Variants in KLHL1 observed in about 807,000 individuals in gnomAD.
The protein encoded by KLHL1 is kelch-like protein 1.
A neutral mutation model predicts 77.7 loss-of-function variants in KLHL1; 47 were observed. That is an observed-to-expected ratio of 0.60 (90% CI 0.48 to 0.77). KLHL1 has a LOEUF of 0.77. KLHL1 is among the 30% of genes least tolerant of loss of function. KLHL1 has a pLI of 0.00. For synonymous variants in KLHL1, 360 were observed against 325.2 expected (o/e 1.11, Z -1.15); for missense variants, 925 against 910.8 (o/e 1.02, Z -0.20).
chr13:69,990,365 C>A (rs1190884734), intron 1 of KLHL1, among the ~76,000 whole-genome samples: 14 of 151,918 alleles, frequency 9.2e-5, no homozygotes. Flanking sequence ...AATTAAAAGG[C>A]AAAGAGTGGC....
intron 4 of KLHL1, among the ~76,000 whole-genome samples, chr13:69,905,807 A>C (rs1882028648): frequency 6.6e-6 from 1 of 152,084 alleles, no homozygotes; most frequent in South Asian, 2.1e-4. Flanking sequence ...GAATCTACAA[A>C]AGTTTATGCT....
In KLHL1 at chr13:69,818,565, T is replaced by G. The variant is rs549875097; in HGVS notation, c.1414+20411A>C. Among the ~76,000 whole-genome samples, 6 of 152,288 alleles carry G rather than the reference T, an allele frequency of 3.9e-5. No homozygotes were observed. In the East Asian group the frequency reaches 1.2e-3, roughly 29 times the overall value. ...AAGATGGATGCAAATGCAGATATCC[T>G]GTCTTAACTTAGTTCTTCCCTTGGG... On this transcript the variant is annotated intron_variant, in intron 6 of 10. Coordinates refer to ENST00000377844, the MANE Select transcript of KLHL1 (RefSeq NM_020866.3).
intron 7 of KLHL1, among the ~76,000 whole-genome samples, chr13:69,795,360 TATTA>T (rs1877057601): frequency 6.6e-6 from 1 of 152,320 alleles, no homozygotes; most frequent in African/African-American, 2.4e-5. Flanking sequence ...ATTGAACAAG[TATTA>T]ATTTTGCTTA....
intron 5 of KLHL1, among the ~76,000 whole-genome samples, chr13:69,864,602 G>T (rs1294437732): frequency 6.6e-6 from 1 of 151,830 alleles, no homozygotes. Flanking sequence ...TATAGTTACT[G>T]GTTCAAAAAA....
At chr13:69,821,091 T>A (rs79110374) in intron 6 of KLHL1, among the ~76,000 whole-genome samples, 2,284 of 152,204 alleles carry the variant, frequency 0.015, 59 homozygotes, top group African/African-American at 0.051. Flanking sequence ...ATTTGAATTT[T>A]AAAAAAATAA....
intron 1 of KLHL1, among the ~76,000 whole-genome samples, chr13:70,069,153 C>A (rs998588602): frequency 6.6e-6 from 1 of 152,116 alleles, no homozygotes; most frequent in Non-Finnish European, 1.5e-5. Flanking sequence ...AGTCATAAGG[C>A]TCTAGAAAGC....
At chr13:69,821,354 G>A (rs759522718) in intron 6 of KLHL1, among the ~76,000 whole-genome samples, 6 of 151,100 alleles carry the variant, frequency 4.0e-5, no homozygotes, top group Non-Finnish European at 7.4e-5. Flanking sequence ...TCACTCTGTC[G>A]CCCAGGCTGG....
chr13:69,713,446 A>T (rs7339358), intron 9 of KLHL1, among the ~76,000 whole-genome samples: 1 of 151,874 alleles, frequency 6.6e-6, no homozygotes, highest in Admixed American at 6.6e-5. Flanking sequence ...AACAACATTA[A>T]TTTATTTTTC....
At chr13:69,705,649 T>C (rs1045225139) in intron 10 of KLHL1, among the ~76,000 whole-genome samples, 2 of 151,626 alleles carry the variant, frequency 1.3e-5, no homozygotes, top group African/African-American at 4.8e-5. Context: ...ATATAAATAA[T>C]GAGAAGATAC....
At chr13:70,081,305 G>A (rs983639945) in intron 1 of KLHL1, among the ~76,000 whole-genome samples, 5 of 152,104 alleles carry the variant, frequency 3.3e-5, no homozygotes, top group Non-Finnish European at 7.4e-5. Context: ...ATTATATCTC[G>A]GGTTTTTTTA....
At chr13:69,943,257 T>G (rs2138306669) in intron 3 of KLHL1, among the ~76,000 whole-genome samples, 1 of 152,092 alleles carries the variant, frequency 6.6e-6, no homozygotes, top group Non-Finnish European at 1.5e-5. Context: ...TTTTTATAAT[T>G]AAAGAAGAAT....
intron 3 of KLHL1, among the ~76,000 whole-genome samples, chr13:69,945,652 CA>C (rs1566431531): frequency 6.6e-6 from 1 of 151,924 alleles, no homozygotes; most frequent in African/African-American, 2.4e-5. Flanking sequence ...AATATATGAA[CA>C]AAAAATGCTC....
At chr13:70,060,537 A>AT (rs1886855406) in intron 1 of KLHL1, among the ~76,000 whole-genome samples, 1 of 101,306 alleles carries the variant, frequency 9.9e-6, no homozygotes, top group African/African-American at 3.4e-5. Context: ...AGACAAATAG[A>AT]CAAAAAAAAA....
At chr13:69,791,496 C>T (rs1318311626) in intron 7 of KLHL1, among the ~76,000 whole-genome samples, 1 of 151,820 alleles carries the variant, frequency 6.6e-6, no homozygotes, top group South Asian at 2.1e-4. Flanking sequence ...AAAATAAAAA[C>T]CAAAGACAGT....
chr13:69,882,288 G>A lies in KLHL1; in HGVS notation c.1222C>T (p.Pro408Ser). The change falls in exon 5 of 11, where the codon CCA becomes TCA. Residue 408 changes from proline to serine, a missense_variant. Transcript: ENST00000377844. ...LAFIRLPLLP[P>S]QILADLENHA... The stretch of plus-strand genomic sequence containing the variant: ...ACAGCGTCACACATCATTACCTGTG[G>A]TGGAAGCAGTGGCAGTCTTATAAAG... The A allele has an allele frequency of 6.2e-7, 1 of 1,606,784 alleles. No homozygotes were observed. Among genetic ancestry groups the A allele is most frequent in the Non-Finnish European group, 8.5e-7 (1 of 1,173,416 alleles).
At chr13:69,972,213 G>T (rs1327931844) in intron 2 of KLHL1, among the ~76,000 whole-genome samples, 1 of 151,830 alleles carries the variant, frequency 6.6e-6, no homozygotes, top group African/African-American at 2.4e-5. Flanking sequence ...TCTTTTTAAT[G>T]TATTTAATGT....
intron 4 of KLHL1, among the ~76,000 whole-genome samples, chr13:69,883,152 A>G (rs942064500): frequency 6.6e-6 from 1 of 152,152 alleles, no homozygotes; most frequent in African/African-American, 2.4e-5. Context: ...TTCATCCTCT[A>G]TCATGATGAC....
chr13:70,010,438 T>C (rs936679840), intron 1 of KLHL1, among the ~76,000 whole-genome samples: 4 of 152,136 alleles, frequency 2.6e-5, no homozygotes, highest in Admixed American at 2.0e-4. Flanking sequence ...GTTCTAAATA[T>C]AGAATATGAC....
chr13:70,033,667 T>A (rs1367826120), intron 1 of KLHL1, among the ~76,000 whole-genome samples: 1 of 129,188 alleles, frequency 7.7e-6, no homozygotes, highest in Non-Finnish European at 1.6e-5. Flanking sequence ...TTGTTCAGGC[T>A]GGCATGCAGT....
Sources: allele counts gnomAD v4.1 joint callset (sites outside exome capture counted in the v4.1 genomes callset), GRCh38; gene constraint gnomAD v4.1.1; transcripts MANE v1.5; gene names NCBI Gene and HGNC (gene_info 2026-07-23, HGNC 2026-07-21).